The following RGL1 variants were observed in gnomAD, a reference collection of about 807,000 sequenced individuals.
RGL1 encodes the protein ral guanine nucleotide dissociation stimulator like 1, also known as ral guanine nucleotide dissociation stimulator-like 1.
Under a neutral mutation model 95.2 loss-of-function variants are expected in RGL1, and 24 were observed. That is an observed-to-expected ratio of 0.25 (90% CI 0.18 to 0.35). The LOEUF (loss-of-function observed/expected upper bound fraction) is 0.35. Ranked by LOEUF, RGL1 falls within the 10% of genes least tolerant of loss-of-function variation. The probability of loss-of-function intolerance (pLI) is 1.00; values close to 1 mark genes in which losing one functional copy is unlikely to be tolerated. For missense variants in RGL1, 715 were observed against 936.3 expected (o/e 0.76, Z 3.08); for synonymous variants, 329 against 344.9 (o/e 0.95, Z 0.51).
intron 3 of RGL1, among the ~76,000 whole-genome samples, chr1:183,863,365 C>T (rs192921469): frequency 2.0e-3 from 296 of 151,752 alleles, no homozygotes; most frequent in African/African-American, 7.0e-3. Context: ...CAGCGTCTTG[C>T]TATGTGTTGC....
intron 2 of RGL1, among the ~76,000 whole-genome samples, chr1:183,772,861 T>C (rs933969634): frequency 6.9e-6 from 1 of 145,892 alleles, no homozygotes; most frequent in African/African-American, 2.6e-5. Flanking sequence ...TACAAAAAAT[T>C]AGCCGGGCGC....
At chr1:183,920,159 T>G (rs773817723) in intron 16 of RGL1, among the ~76,000 whole-genome samples, 2 of 152,006 alleles carry the variant, frequency 1.3e-5, no homozygotes, top group Non-Finnish European at 2.9e-5. Flanking sequence ...CTCAGCCTCC[T>G]GAGTAGCTGG....
chr1:183,772,621 A>G (rs898024192), intron 2 of RGL1, among the ~76,000 whole-genome samples: 3 of 152,198 alleles, frequency 2.0e-5, no homozygotes, highest in African/African-American at 7.2e-5. Context: ...ACCTTGGTCT[A>G]CAGGAAAGTT....
chr1:183,710,124 A>G (rs1027812742), intron 1 of RGL1: 7 of 201,380 alleles, frequency 3.5e-5, no homozygotes, highest in East Asian at 3.2e-4. Flanking sequence ...TTCACTCTAC[A>G]TGGTCACCCT....
At chr1:183,683,655 T>G (rs1653374243) in intron 1 of RGL1, among the ~76,000 whole-genome samples, 1 of 152,212 alleles carries the variant, frequency 6.6e-6, no homozygotes, top group South Asian at 2.1e-4. Flanking sequence ...GGGGTTGCTC[T>G]TCTCGAGGAG....
intron 1 of RGL1, among the ~76,000 whole-genome samples, chr1:183,643,488 T>C (rs1650077987): frequency 6.6e-6 from 1 of 152,106 alleles, no homozygotes; most frequent in South Asian, 2.1e-4. Flanking sequence ...AGAAGGGGTT[T>C]CACCATGTTA....
upstream of RGL1, chr1:183,805,090 G>A: frequency 2.1e-6 from 1 of 472,418 alleles, no homozygotes; most frequent in Non-Finnish European, 3.5e-6. Context: ...TCTGCTCCTC[G>A]CTTGCTCGCT....
At chr1:183,752,376 G>A (rs1209531395) in intron 2 of RGL1, among the ~76,000 whole-genome samples, 10 of 152,018 alleles carry the variant, frequency 6.6e-5, no homozygotes, top group Admixed American at 5.2e-4. Flanking sequence ...ACAGGTGCAC[G>A]CCACCACGCC....
In RGL1 at chr1:183,847,481, G is replaced by C. The variant is rs1288329909; in HGVS notation, c.139-85G>C. Reference sequence around the variant, plus strand: ...ATAAGAATGAGAGGAAACATAACAGGCTATGGCCTTCAACTATTTCAATGC... The same window carrying C: ...ATAAGAATGAGAGGAAACATAACAGCCTATGGCCTTCAACTATTTCAATGC... On this transcript the variant is annotated intron_variant, in intron 2 of 17. Transcript: ENST00000360851. 4.7e-6 allele frequency: 5 copies of C among 1,073,268 alleles called. No individual in the cohort carries two copies. In the African/African-American group the frequency reaches 6.3e-5, roughly 14 times the overall value. The allele number at this position is 1,073,268 out of a possible 1,614,324, so 66.5% of individuals were successfully genotyped here.
chr1:183,838,840 G>A (rs923792503), intron 2 of RGL1, among the ~76,000 whole-genome samples: 1 of 152,172 alleles, frequency 6.6e-6, no homozygotes, highest in Non-Finnish European at 1.5e-5. Flanking sequence ...TTTTCATGGC[G>A]TAAATAGTGT....
At chr1:183,687,129 C>T (rs762624085) in intron 1 of RGL1, among the ~76,000 whole-genome samples, 26 of 152,192 alleles carry the variant, frequency 1.7e-4, no homozygotes, top group Non-Finnish European at 3.7e-4. Flanking sequence ...TCTGTCATCA[C>T]CATTATGTGC....
intron 2 of RGL1, among the ~76,000 whole-genome samples, chr1:183,794,784 C>T (rs1228381935): frequency 6.6e-5 from 10 of 152,224 alleles, no homozygotes; most frequent in African/African-American, 2.4e-4. Flanking sequence ...GTGGTTAACA[C>T]AGCCTTAATA....
chr1:183,688,990 A>G (rs954085476), intron 1 of RGL1, among the ~76,000 whole-genome samples: 1 of 152,230 alleles, frequency 6.6e-6, no homozygotes, highest in Non-Finnish European at 1.5e-5. Flanking sequence ...TTGAATAAAT[A>G]ACTTTACAGC....
At chr1:183,680,260 C>G (rs1189299415) in intron 1 of RGL1, among the ~76,000 whole-genome samples, 1 of 152,040 alleles carries the variant, frequency 6.6e-6, no homozygotes, top group Non-Finnish European at 1.5e-5. Context: ...GTTGCCATTG[C>G]TTTTGGTGTT....
chr1:183,924,945 A>G (rs1669531538), intron 17 of RGL1, among the ~76,000 whole-genome samples: 1 of 151,990 alleles, frequency 6.6e-6, no homozygotes, highest in Non-Finnish European at 1.5e-5. Flanking sequence ...CAGCCTGGGC[A>G]ACAAGAGCAA....
rs1661703613 is a variant in RGL1, at chr1:183,811,395, G to A, written c.138+4910G>A. The stretch of plus-strand genomic sequence containing the variant: ...GGATTTTAGAATTGTAAGGAGATAA[G>A]CCCTAGAGGAGCCTTTAGTTTATAG... On this transcript the variant is annotated intron_variant, in intron 2 of 17. Transcript: ENST00000360851. 4.6e-5 allele frequency among the ~76,000 whole-genome samples: 7 copies of A among 152,284 alleles called. 1 individual carries two copies. The South Asian group carries it at 1.5e-3, about 32-fold the overall frequency.
intron 1 of RGL1, among the ~76,000 whole-genome samples, chr1:183,668,779 G>T (rs1015695102): frequency 1.3e-5 from 2 of 151,796 alleles, no homozygotes; most frequent in Non-Finnish European, 1.5e-5. Context: ...ACTCATTATT[G>T]CTTCAAATAT....
At chr1:183,893,560 G>T (rs1667537642) in intron 9 of RGL1, among the ~76,000 whole-genome samples, 2 of 152,326 alleles carry the variant, frequency 1.3e-5, no homozygotes, top group South Asian at 4.1e-4. Flanking sequence ...GGTGGGGTTA[G>T]TAAGAAAAGG....
At chr1:183,746,442 T>G (rs1657633830) in intron 2 of RGL1, among the ~76,000 whole-genome samples, 1 of 152,034 alleles carries the variant, frequency 6.6e-6, no homozygotes, top group Non-Finnish European at 1.5e-5. Context: ...GTTTATAAAA[T>G]TTTTAAGATT....
Sources: allele counts gnomAD v4.1 joint callset (sites outside exome capture counted in the v4.1 genomes callset), GRCh38; gene constraint gnomAD v4.1.1; transcripts MANE v1.5; gene names NCBI Gene and HGNC (gene_info 2026-07-23, HGNC 2026-07-21).